KLHL20: variants seen among roughly 807,000 people sequenced by gnomAD.
The protein encoded by KLHL20 is kelch-like protein 20.
In KLHL20, 29 loss-of-function variants were observed where a neutral mutation model predicts 69.5. The observed-to-expected ratio is 0.42, with a 90% CI of 0.31 to 0.57. KLHL20 has a LOEUF of 0.57. Among genes scored for constraint, KLHL20 ranks in the 20% least tolerant of loss-of-function variants. KLHL20 has a pLI of 0.18. For synonymous variants in KLHL20, 253 were observed against 265.2 expected (o/e 0.95, Z 0.45); for missense variants, 419 against 776.0 (o/e 0.54, Z 5.47).
At chr1:173,753,133 A>G (rs1452462442) in intron 4 of KLHL20, 80 bp from the exon 5 acceptor site, 10 of 1,134,882 alleles carry the variant, frequency 8.8e-6, no homozygotes, top group South Asian at 2.6e-5. Context: ...CGATCATGCC[A>G]CTGTACTCCA....
At chr1:173,732,176 G>A (rs993797733) in intron 2 of KLHL20, among the ~76,000 whole-genome samples, 1 of 151,138 alleles carries the variant, frequency 6.6e-6, no homozygotes, top group African/African-American at 2.4e-5. Flanking sequence ...CAGCCTCCGT[G>A]ACAGAGCCAG....
At chr1:173,766,567 A>C (rs1287530661) in intron 8 of KLHL20, among the ~76,000 whole-genome samples, 1 of 151,030 alleles carries the variant, frequency 6.6e-6, no homozygotes, top group East Asian at 1.9e-4. Flanking sequence ...ACTTGAGCCC[A>C]GGAGGTTGAG....
At chr1:173,778,619 A>G (rs1648641363) in intron 10 of KLHL20, among the ~76,000 whole-genome samples, 1 of 152,076 alleles carries the variant, frequency 6.6e-6, no homozygotes, top group African/African-American at 2.4e-5. Flanking sequence ...GATTACAGGC[A>G]TGAGCCACCA....
At chr1:173,731,869 AAAAC>A (rs939182828) in intron 2 of KLHL20, among the ~76,000 whole-genome samples, 3 of 152,154 alleles carry the variant, frequency 2.0e-5, no homozygotes, top group Non-Finnish European at 4.4e-5. Flanking sequence ...TATAATTAAA[AAAAC>A]ATTTAAAAAA....
chr1:173,737,620 A>G (rs917557382), intron 3 of KLHL20, among the ~76,000 whole-genome samples: 1 of 152,252 alleles, frequency 6.6e-6, no homozygotes, highest in East Asian at 1.9e-4. Context: ...TTTGGTGACT[A>G]TAGCCTTGTA....
In KLHL20 at chr1:173,734,053, C is replaced by T. The variant is rs768042176; in HGVS notation, c.364C>T (p.Leu122=). 1.2e-6 allele frequency: 2 copies of T among 1,614,188 alleles called. No homozygotes were observed. The highest frequency in any genetic ancestry group is 1.7e-5 in the Admixed American group (1 of 60,016). The change falls in exon 3 of 12, where the codon CTG becomes TTG. Residue 122 remains leucine (L), a synonymous_variant. Transcript: ENST00000209884. Reference sequence around the variant, plus strand: ...CATTGACGAGAGGGCTATGGAATTACTGATTGACTTTGCGTATACCTCCCA... The same window carrying T: ...CATTGACGAGAGGGCTATGGAATTATTGATTGACTTTGCGTATACCTCCCA... ...RDIDERAMEL[L]IDFAYTSQIT... is the part of the protein sequence containing the mutation.
At chr1:173,761,203 T>G (rs1432077416) in intron 7 of KLHL20, among the ~76,000 whole-genome samples, 1 of 152,158 alleles carries the variant, frequency 6.6e-6, no homozygotes, top group Non-Finnish European at 1.5e-5. Flanking sequence ...TAAACATACA[T>G]GCACCTAACA....
intron 2 of KLHL20, among the ~76,000 whole-genome samples, chr1:173,718,299 G>C (rs1026582047): frequency 2.5e-4 from 38 of 151,932 alleles, no homozygotes; most frequent in Non-Finnish European, 1.5e-5. Flanking sequence ...AGCACTTTGG[G>C]AGGCTGAGGT....
chr1:173,754,667 A>C (rs1183964957), intron 5 of KLHL20, among the ~76,000 whole-genome samples: 1 of 152,150 alleles, frequency 6.6e-6, no homozygotes, highest in African/African-American at 2.4e-5. Flanking sequence ...AACCATGTAC[A>C]TTATACATGC....
At chr1:173,765,741 A>G (rs1647662979) in intron 7 of KLHL20, among the ~76,000 whole-genome samples, 1 of 152,244 alleles carries the variant, frequency 6.6e-6, no homozygotes. Flanking sequence ...ACGTTGAGGG[A>G]AAAAGCAGTG....
At chr1:173,741,346 T>G (rs1001306498) in intron 3 of KLHL20, among the ~76,000 whole-genome samples, 7 of 152,198 alleles carry the variant, frequency 4.6e-5, no homozygotes, top group African/African-American at 1.7e-4. Context: ...TTTTACATAT[T>G]TTCTATTTTA....
At chr1:173,728,070 T>C (rs1672066071) in intron 2 of KLHL20, among the ~76,000 whole-genome samples, 1 of 151,908 alleles carries the variant, frequency 6.6e-6, no homozygotes, top group African/African-American at 2.4e-5. Flanking sequence ...ACCAAGCAAA[T>C]GGAAAACAAA....
chr1:173,779,421 G>T (rs989233159), intron 10 of KLHL20, among the ~76,000 whole-genome samples: 7 of 148,100 alleles, frequency 4.7e-5, no homozygotes, highest in African/African-American at 1.8e-4. Context: ...TGCAATCTCA[G>T]CTCACTGCAA....
chr1:173,743,517 ATGG>A (rs1672922703), intron 3 of KLHL20, among the ~76,000 whole-genome samples: 1 of 149,618 alleles, frequency 6.7e-6, no homozygotes, highest in Non-Finnish European at 1.5e-5. Context: ...ACTTACTATG[ATGG>A]TTGCAAAGTG....
At chr1:173,741,966 C>T (rs757794771) in intron 3 of KLHL20, 11 of 714,840 alleles carry the variant, frequency 1.5e-5, no homozygotes, top group African/African-American at 3.6e-5. Flanking sequence ...GAAACCATCT[C>T]GATAAACACA....
chr1:173,728,376 C>T (rs1297278580), intron 2 of KLHL20, among the ~76,000 whole-genome samples: 1 of 152,170 alleles, frequency 6.6e-6, no homozygotes, highest in East Asian at 1.9e-4. Context: ...TTGAACTCAG[C>T]TCTGCACCAA....
chr1:173,785,101 T>C (rs1558230284), intron 11 of KLHL20, 62 bp from the exon 12 acceptor site: 3 of 1,313,944 alleles, frequency 2.3e-6, no homozygotes, highest in Non-Finnish European at 3.2e-6. Flanking sequence ...TCGTAGTTAA[T>C]AACATCTTAG....
chr1:173,731,735 G>T, intron 2 of KLHL20, among the ~76,000 whole-genome samples: 2 of 101,446 alleles, frequency 2.0e-5, no homozygotes, highest in African/African-American at 3.8e-5. Flanking sequence ...GAGGGGGGAG[G>T]GATAGCATTA....
intron 2 of KLHL20, among the ~76,000 whole-genome samples, chr1:173,730,209 G>A (rs1050085682): frequency 2.0e-5 from 3 of 152,216 alleles, no homozygotes; most frequent in South Asian, 2.1e-4. Context: ...ACTGCTCAAT[G>A]AAATAAAAGA....
Sources: gnomAD v4.1 joint callset for allele counts (sites outside exome capture counted in the v4.1 genomes callset) on GRCh38, gnomAD v4.1.1 for gene constraint, MANE v1.5 for transcripts, NCBI Gene and HGNC (gene_info 2026-07-23, HGNC 2026-07-21) for gene names.